Variants in DLC1 observed in about 807,000 individuals in gnomAD.
DLC1 encodes DLC1 Rho GTPase activating protein, also known as rho GTPase-activating protein 7.
DLC1 carries 54 observed loss-of-function variants against 140.3 expected under a neutral mutation model. That is an observed-to-expected ratio of 0.38 (90% CI 0.31 to 0.48). DLC1 has a LOEUF of 0.48. Ranked by LOEUF, DLC1 falls within the 20% of genes least tolerant of loss-of-function variation. The pLI is 0.96. For missense variants in DLC1, 2,536 were observed against 1,907.0 expected, an observed-to-expected ratio of 1.33 and a Z score of -6.14; for synonymous variants, 986 against 728.1, an observed-to-expected ratio of 1.35 and a Z score of -5.70.
At chr8:13,586,802 T>C (rs1191942938) in intron 1 of DLC1, among the ~76,000 whole-genome samples, 4 of 151,954 alleles carry the variant, frequency 2.6e-5, no homozygotes, top group Non-Finnish European at 5.9e-5. Flanking sequence ...ATATATGAAG[T>C]TTGAAGTGCC....
chr8:13,454,935 G>C (rs1294234714), intron 2 of DLC1, among the ~76,000 whole-genome samples: 1 of 152,082 alleles, frequency 6.6e-6, no homozygotes, highest in East Asian at 1.9e-4. Context: ...TTTGGAGATA[G>C]ATAAGCATGT....
intron 4 of DLC1, among the ~76,000 whole-genome samples, chr8:13,323,538 C>A (rs1450608417): frequency 6.6e-6 from 1 of 152,082 alleles, no homozygotes; most frequent in Non-Finnish European, 1.5e-5. Context: ...GGTTGATGGT[C>A]ATCCTTTATT....
chr8:13,189,121 C>T (rs1451976584), intron 5 of DLC1, among the ~76,000 whole-genome samples: 1 of 151,858 alleles, frequency 6.6e-6, no homozygotes, highest in Non-Finnish European at 1.5e-5. Flanking sequence ...CATAGTTTTT[C>T]ATGATAAAAT....
chr8:13,552,790 A>G lies in DLC1; in HGVS notation c.-126+51747T>C, dbSNP rs147916967. ...TTTTTTTATTTTTTGAAAAACTCAC[A>G]TGTATTGTCATATTCTCTTATTAAA... On this transcript the variant is annotated intron_variant, in intron 1 of 1. Coordinates refer to the DLC1 transcript ENST00000631382. Among the ~76,000 whole-genome samples the G allele has an allele frequency of 3.3e-5, 5 of 152,106 alleles. No individual in the cohort carries two copies. In the East Asian group the frequency reaches 7.7e-4, roughly 24 times the overall value.
At chr8:13,461,223 G>C (rs1482038817) in intron 2 of DLC1, among the ~76,000 whole-genome samples, 1 of 152,214 alleles carries the variant, frequency 6.6e-6, no homozygotes, top group Non-Finnish European at 1.5e-5. Flanking sequence ...AGCAATGACA[G>C]CAAAATATGT....
chr8:13,480,001 G>A (rs1800647194), intron 2 of DLC1, among the ~76,000 whole-genome samples: 1 of 152,066 alleles, frequency 6.6e-6, no homozygotes, highest in African/African-American at 2.4e-5. Flanking sequence ...AGGAGGTGGG[G>A]GCTGCAGTGA....
intron 5 of DLC1, among the ~76,000 whole-genome samples, chr8:13,218,893 T>TAATTATATAATTATATATGA (rs1240012787): frequency 8.6e-6 from 1 of 116,922 alleles, no homozygotes; most frequent in African/African-American, 3.5e-5. Flanking sequence ...TATATGAATA[T>TAATTATATAATTATATATGA]ATATAATTAC....
rs147130694 is a variant in DLC1 at position 13,099,486 on chromosome 8, G to T, written c.2851C>A (p.His951Asn). 3 of 1,613,984 alleles carry T rather than the reference G, an allele frequency of 1.9e-6. No homozygotes were observed. The highest frequency in any genetic ancestry group is 1.7e-6 in the Non-Finnish European group (2 of 1,180,032). The change falls in exon 9 of 18, where the codon CAC becomes AAC. Residue 951 changes from histidine to asparagine, a missense_variant. By Grantham distance (68) the His-to-Asn change is moderately conservative. Transcript: ENST00000276297. ...GTTCGGTCGTTGTCCACATCCAGGT[G>T]TATCTGTTTTGGAGAGGACGGGCAG... is the stretch of plus-strand genomic sequence containing the variant. ...SPCPSSPKQI[H>N]LDVDNDRTTP...
intron 4 of DLC1, among the ~76,000 whole-genome samples, chr8:13,356,926 A>C (rs557050009): frequency 6.6e-6 from 1 of 152,018 alleles, no homozygotes; most frequent in African/African-American, 2.4e-5. Context: ...GGTTGCAGAA[A>C]GTCTTGTAGG....
At chr8:13,484,407 C>A (rs1330005435) in intron 2 of DLC1, among the ~76,000 whole-genome samples, 1 of 152,098 alleles carries the variant, frequency 6.6e-6, no homozygotes, top group Non-Finnish European at 1.5e-5. Context: ...GGACAGATAA[C>A]AATATGAATC....
At chr8:13,323,781 C>G (rs767527360) in intron 4 of DLC1, among the ~76,000 whole-genome samples, 3 of 152,154 alleles carry the variant, frequency 2.0e-5, no homozygotes, top group Non-Finnish European at 4.4e-5. Context: ...TTAATCCTCA[C>G]AGCAGTCCTA....
At chr8:13,102,253 C>A (rs182705641) in intron 8 of DLC1, among the ~76,000 whole-genome samples, 1 of 152,304 alleles carries the variant, frequency 6.6e-6, no homozygotes, top group East Asian at 1.9e-4. Flanking sequence ...AAGAAAATAC[C>A]ATCCAGCTCG....
chr8:13,157,924 A>C (rs1263671433), intron 5 of DLC1, among the ~76,000 whole-genome samples: 2 of 152,246 alleles, frequency 1.3e-5, no homozygotes, highest in Non-Finnish European at 2.9e-5. Context: ...AAACTTACTC[A>C]TTTAGTTTAC....
chr8:13,472,110 C>T (rs1298915364), intron 2 of DLC1, among the ~76,000 whole-genome samples: 3 of 152,178 alleles, frequency 2.0e-5, no homozygotes, highest in African/African-American at 7.2e-5. Flanking sequence ...GAGGCAGTTC[C>T]TGGAATAAAG....
chr8:13,549,768 A>G (rs1199830486), intron 1 of DLC1, among the ~76,000 whole-genome samples: 2 of 152,236 alleles, frequency 1.3e-5, no homozygotes, highest in Non-Finnish European at 2.9e-5. Flanking sequence ...AAAAAAGACA[A>G]AAGTGGCTCA....
chr8:13,150,414 T>G (rs531971328), intron 5 of DLC1, among the ~76,000 whole-genome samples: 133 of 152,312 alleles, frequency 8.7e-4, no homozygotes, highest in Admixed American at 2.5e-3. Flanking sequence ...TTTTTTTTCT[T>G]TGTCGCCAAT....
intron 1 of DLC1, among the ~76,000 whole-genome samples, chr8:13,565,823 A>G (rs1804409398): frequency 6.6e-6 from 1 of 152,180 alleles, no homozygotes; most frequent in Non-Finnish European, 1.5e-5. Flanking sequence ...TAGAGTTAAC[A>G]TTTTATAATT....
intron 1 of DLC1, among the ~76,000 whole-genome samples, chr8:13,527,073 A>T (rs1042758132): frequency 6.6e-6 from 1 of 152,182 alleles, no homozygotes; most frequent in African/African-American, 2.4e-5. Context: ...TACATAGGTG[A>T]TCATATTGTA....
At chr8:13,390,627 C>G (rs1286016357) in intron 4 of DLC1, among the ~76,000 whole-genome samples, 5 of 152,162 alleles carry the variant, frequency 3.3e-5, no homozygotes, top group African/African-American at 7.2e-5. Flanking sequence ...GTGCAGCAAA[C>G]CACCATGGCA....
Sources: allele counts gnomAD v4.1 joint callset (sites outside exome capture counted in the v4.1 genomes callset), GRCh38; gene constraint gnomAD v4.1.1; transcripts MANE v1.5; gene names NCBI Gene and HGNC (gene_info 2026-07-23, HGNC 2026-07-21).